Variants in IL1RAP observed in about 807,000 individuals in gnomAD.
IL1RAP encodes interleukin 1 receptor accessory protein.
A neutral mutation model predicts 60.7 loss-of-function variants in IL1RAP; 35 were observed. The observed-to-expected ratio is 0.58, with a 90% confidence interval of 0.44 to 0.76. The LOEUF (loss-of-function observed/expected upper bound fraction) is 0.76. Ranked by LOEUF, IL1RAP falls within the 30% of genes least tolerant of loss-of-function variation. IL1RAP has a pLI of 0.00. For synonymous variants in IL1RAP, 268 were observed against 250.9 expected, an observed-to-expected ratio of 1.07 and a Z score of -0.64; for missense variants, 572 against 693.9, an observed-to-expected ratio of 0.82 and a Z score of 1.97.
chr3:190,564,174 A>G (rs1438871423), intron 2 of IL1RAP, 115 bp from the exon 3 acceptor site: 1 of 658,512 alleles, frequency 1.5e-6, no homozygotes, highest in Non-Finnish European at 2.8e-6. Flanking sequence ...TTAATATTGT[A>G]AAATTCTTAG....
At chr3:190,604,547 G>A in intron 4 of IL1RAP, 134 bp downstream of exon 4, 1 of 950,098 alleles carries the variant, frequency 1.1e-6, no homozygotes, top group Non-Finnish European at 1.5e-6. Flanking sequence ...ATTGTCTGCA[G>A]CTTAGCTGAA....
rs184169429 is a variant in IL1RAP, at chr3:190,626,823, C to A, written c.776-500C>A. Among the ~76,000 whole-genome samples the A allele has an allele frequency of 1.1e-4, 17 of 151,980 alleles. No individual in the cohort carries two copies. The East Asian group carries it at 3.1e-3, about 28-fold the overall frequency. ...GTAGCTGGGATTACAGGCGGTGCCA[C>A]CATGCCCGGCTAATTTTTGTATTTT... On this transcript the variant is annotated intron_variant, in intron 7 of 11. Coordinates refer to ENST00000447382, the MANE Select transcript of IL1RAP (RefSeq NM_002182.4).
At chr3:190,656,430 A>G (rs1393463031), downstream of IL1RAP, 3 of 1,537,082 alleles carry the variant, frequency 2.0e-6, no homozygotes, top group African/African-American at 1.4e-5. Flanking sequence ...AGAGCCGGGC[A>G]GAGATTCATA....
At chr3:190,657,634 T>C (rs1577842504) in exon 12 of IL1RAP, 1 of 152,336 alleles carries the variant, frequency 6.6e-6, no homozygotes, top group South Asian at 2.1e-4. Flanking sequence ...AATAGGGACA[T>C]AGGCACAGAT....
At chr3:190,538,958 A>G (rs532198988) in intron 1 of IL1RAP, among the ~76,000 whole-genome samples, 3 of 152,274 alleles carry the variant, frequency 2.0e-5, no homozygotes, top group African/African-American at 7.2e-5. Context: ...CTCCCCAGCC[A>G]TGCTGATTTG....
chr3:190,631,748 T>C (rs1476164177), intron 9 of IL1RAP, among the ~76,000 whole-genome samples: 2 of 152,196 alleles, frequency 1.3e-5, no homozygotes, highest in Admixed American at 1.3e-4. Context: ...CAGTTAAAGC[T>C]AAGTATTAAA....
chr3:190,527,684 ATTTTTTTTTT>A, intron 1 of IL1RAP, among the ~76,000 whole-genome samples: 1 of 112,942 alleles, frequency 8.9e-6, no homozygotes, highest in Non-Finnish European at 1.9e-5. Flanking sequence ...GCTTGTTTAC[ATTTTTTTTTT>A]TTTTTTTTTG....
downstream of IL1RAP, among the ~76,000 whole-genome samples, chr3:190,652,329 G>T (rs1350615260): frequency 6.6e-6 from 1 of 151,988 alleles, no homozygotes; most frequent in African/African-American, 2.4e-5. Context: ...GGGCATAGTG[G>T]TGCACGCCTG....
At chr3:190,524,099 G>T (rs534539973) in intron 1 of IL1RAP, among the ~76,000 whole-genome samples, 1 of 152,028 alleles carries the variant, frequency 6.6e-6, no homozygotes, top group African/African-American at 2.4e-5. Flanking sequence ...GTTTTGATTT[G>T]AATTTCTCTA....
intron 3 of IL1RAP, among the ~76,000 whole-genome samples, chr3:190,579,834 A>G (rs1360339762): frequency 1.3e-5 from 2 of 152,210 alleles, no homozygotes; most frequent in Non-Finnish European, 1.5e-5. Context: ...ATGATATTAT[A>G]TGTGGCATAT....
intron 3 of IL1RAP, among the ~76,000 whole-genome samples, chr3:190,575,117 A>G (rs1432352829): frequency 6.6e-6 from 1 of 152,124 alleles, no homozygotes; most frequent in African/African-American, 2.4e-5. Context: ...CTGGTCAAAG[A>G]TCTATATAAC....
intron 3 of IL1RAP, among the ~76,000 whole-genome samples, chr3:190,573,280 A>G (rs1464317967): frequency 2.0e-5 from 3 of 151,932 alleles, no homozygotes; most frequent in African/African-American, 7.3e-5. Flanking sequence ...AAGACTCTGG[A>G]CCCCCTTTTG....
intron 1 of IL1RAP, among the ~76,000 whole-genome samples, chr3:190,514,769 C>A (rs1478442748): frequency 1.3e-5 from 2 of 152,144 alleles, no homozygotes; most frequent in African/African-American, 2.4e-5. Context: ...TCTGGAGGAG[C>A]GCGGGGAGAG....
intron 3 of IL1RAP, among the ~76,000 whole-genome samples, chr3:190,592,912 A>C (rs6767500): frequency 0.84 from 127,758 of 152,162 alleles, 53,972 homozygotes; most frequent in African/African-American, 0.93. Flanking sequence ...TTTTAACTGG[A>C]TGGAACTGCC....
chr3:190,598,822 C>T (rs1169699807), intron 3 of IL1RAP, among the ~76,000 whole-genome samples: 7 of 152,062 alleles, frequency 4.6e-5, no homozygotes, highest in African/African-American at 1.7e-4. Context: ...ACTGCTATCC[C>T]TTCTACCCAT....
chr3:190,569,540 C>G (rs1726727093), intron 3 of IL1RAP, among the ~76,000 whole-genome samples: 1 of 151,562 alleles, frequency 6.6e-6, no homozygotes, highest in Non-Finnish European at 1.5e-5. Context: ...AGAATTTCAC[C>G]CTGTTGTCAT....
intron 3 of IL1RAP, among the ~76,000 whole-genome samples, chr3:190,585,711 G>A (rs1037624032): frequency 2.0e-5 from 3 of 151,880 alleles, no homozygotes; most frequent in African/African-American, 7.3e-5. Flanking sequence ...ACTTGGGAGG[G>A]TGAGGTAGGA....
chr3:190,607,555 G>T (rs1730444987), intron 4 of IL1RAP, among the ~76,000 whole-genome samples: 1 of 151,980 alleles, frequency 6.6e-6, no homozygotes, highest in Admixed American at 6.6e-5. Flanking sequence ...TGTCCAAGGT[G>T]CTCAATAAAT....
chr3:190,650,746 C>A lies in IL1RAP; in HGVS notation c.*2041C>A, dbSNP rs1734344793. ...TATTAATATTTTTCCCTATTAGAAACCACAATTACTCCCTCTATTAACCCT... is the reference window on the plus strand; with the variant it reads ...TATTAATATTTTTCCCTATTAGAAAACACAATTACTCCCTCTATTAACCCT... On this transcript the variant is annotated 3_prime_UTR_variant, in exon 12 of 12. Transcript: ENST00000447382. 1 of 982,890 alleles carries A rather than the reference C, an allele frequency of 1.0e-6. No homozygotes were observed. Among genetic ancestry groups the A allele is most frequent in the South Asian group, 4.7e-5 (1 of 21,220 alleles). The allele number at this position is 982,890 out of a possible 1,614,324, so 60.9% of individuals were successfully genotyped here. A position where few individuals can be genotyped will look rare whatever the true frequency, so the allele number is the denominator to read the frequency against.
Sources: allele counts gnomAD v4.1 joint callset (sites outside exome capture counted in the v4.1 genomes callset), GRCh38; gene constraint gnomAD v4.1.1; transcripts MANE v1.5; gene names NCBI Gene and HGNC (gene_info 2026-07-23, HGNC 2026-07-21).